CAD: variants seen among roughly 807,000 people sequenced by gnomAD.
The protein encoded by CAD is multifunctional protein CAD.
Under a neutral mutation model 237.2 loss-of-function variants are expected in CAD, and 81 were observed. That is an observed-to-expected ratio of 0.34 (90% CI 0.29 to 0.41). The LOEUF (loss-of-function observed/expected upper bound fraction) is 0.41, where lower values mean the gene tolerates loss of function less well. Ranked by LOEUF, CAD falls within the 10% of genes least tolerant of loss-of-function variation. The probability of loss-of-function intolerance (pLI) is 1.00; values close to 1 mark genes in which losing one functional copy is unlikely to be tolerated. For missense variants in CAD, 2,181 were observed against 2,951.7 expected (o/e 0.74, Z 6.05); for synonymous variants, 1,196 against 1,162.8 (o/e 1.03, Z -0.58).
At position 27,234,121 on chromosome 2, in the gene CAD, A is replaced by G. The variant is rs773510765; in HGVS notation, c.3513A>G (p.Pro1171=). 1.9e-6 allele frequency: 3 copies of G among 1,614,150 alleles called. No homozygotes were observed. Among genetic ancestry groups the G allele is most frequent in the Non-Finnish European group, 1.7e-6 (2 of 1,180,014 alleles). ...GTGATGCGACGCTGGTGACCCCCCCACAAGATATCACTGCCAAAACCCTGG... is the reference window on the plus strand; with the variant it reads ...GTGATGCGACGCTGGTGACCCCCCCGCAAGATATCACTGCCAAAACCCTGG... The part of the protein sequence containing the change: ...HSGDATLVTP[P]QDITAKTLER... Residue 1171 remains proline (P), a synonymous_variant, in exon 22 of 44, where the codon CCA becomes CCG. Transcript: ENST00000264705.
Position 27,233,605 on chromosome 2 carries a change from T to C in CAD, c.3217-21T>C. On this transcript the variant is annotated intron_variant, in intron 20 of 43. Coordinates refer to ENST00000264705, the MANE Select transcript of CAD (RefSeq NM_004341.5). The surrounding 1 kb of genome is among the most constrained non-coding windows in gnomAD (Gnocchi z 6.3). ...TGGGGGAAAGTGTGAACAACTCAGCTAAGCTCCCTGCCTCCTGTAGTCTGC... is the reference window on the plus strand; with the variant it reads ...TGGGGGAAAGTGTGAACAACTCAGCCAAGCTCCCTGCCTCCTGTAGTCTGC... The C allele has an allele frequency of 6.2e-7, 1 of 1,614,076 alleles. No homozygotes were observed. Among genetic ancestry groups the C allele is most frequent in the Non-Finnish European group, 8.5e-7 (1 of 1,179,976 alleles).
intron 2 of CAD, among the ~76,000 whole-genome samples, chr2:27,219,773 G>T (rs925950271): frequency 1.4e-4 from 21 of 152,032 alleles, no homozygotes; most frequent in African/African-American, 4.8e-4. Context: ...ATTTTTAGTA[G>T]AGACAGGGTT....
At chr2:27,218,680 TC>T (rs1674998634) in intron 2 of CAD, among the ~76,000 whole-genome samples, 1 of 135,316 alleles carries the variant, frequency 7.4e-6, no homozygotes, top group Non-Finnish European at 1.6e-5. Flanking sequence ...AAACTGAGTT[TC>T]TTCCTACAGT....
rs1179530780 is a variant in CAD at position 27,233,964 on chromosome 2, G to A, written c.3400-44G>A. On this transcript the variant is annotated intron_variant, in intron 21 of 43. Transcript: ENST00000264705. The surrounding 1 kb of genome is among the most constrained non-coding windows in gnomAD (Gnocchi z 6.3). ...AGAGACAATCCTAGAGTAAGTGAGAGAAGAAAGTGGCCCTATGTCCCACTG... is the reference window on the plus strand; with the variant it reads ...AGAGACAATCCTAGAGTAAGTGAGAAAAGAAAGTGGCCCTATGTCCCACTG... The A allele has an allele frequency of 1.3e-6, 2 of 1,579,908 alleles. No homozygotes were observed. Among genetic ancestry groups the A allele is most frequent in the East Asian group, 4.5e-5 (2 of 44,318 alleles).
chr2:27,229,051 T>C (rs1443131687), intron 15 of CAD, among the ~76,000 whole-genome samples: 1 of 151,670 alleles, frequency 6.6e-6, no homozygotes. Flanking sequence ...CCTGAGTAGC[T>C]GGGACTACAG....
Position 27,241,980 on chromosome 2 carries a change from G to T in CAD, c.5953G>T (p.Ala1985Ser). ...RTSSSFAAAM[A>S]RLGGAVLSFS... ...CAGCAGCTCCTTTGCAGCAGCCATG[G>T]CCCGGCTGGGAGGTGCTGTGCTCAG... Residue 1985 changes from alanine to serine, a missense_variant, in exon 39 of 44, where the codon GCC becomes TCC. Coordinates refer to ENST00000264705, the MANE Select transcript of CAD (RefSeq NM_004341.5). This position sits in a 1 kb window ranked among gnomAD's most constrained non-coding sequence, Gnocchi z 4.6. 6.2e-7 allele frequency: 1 copy of T among 1,613,518 alleles called. No individual in the cohort carries two copies. Among genetic ancestry groups the T allele is most frequent in the Middle Eastern group, 1.7e-4 (1 of 6,060 alleles).
Position 27,239,364 on chromosome 2 carries a change from C to T in CAD, c.5287C>T (p.His1763Tyr). Reference protein sequence around the residue: ...DLEHEWTIPSHMPFSKAHWTP... With the variant: ...DLEHEWTIPSYMPFSKAHWTP... ...GGAGCATGAGTGGACAATTCCCAGC[C>T]ACATGCCCTTCTCCAAGGCCCACTG... The change falls in exon 33 of 44, where the codon CAC (histidine) becomes TAC (tyrosine). Residue 1763 changes from histidine (H) to tyrosine (Y), a missense_variant. Physicochemically the swap from His to Tyr is moderately conservative, Grantham distance 83. This residue lies in a region of CAD where 478 missense variants were observed against 515.0 expected (regional missense o/e 0.93). Coordinates refer to ENST00000264705, the MANE Select transcript of CAD (RefSeq NM_004341.5). The surrounding 1 kb of genome is among the most constrained non-coding windows in gnomAD (Gnocchi z 4.0). 1.2e-6 allele frequency: 2 copies of T among 1,614,026 alleles called. No individual in the cohort carries two copies. The highest frequency in any genetic ancestry group is 8.5e-7 in the Non-Finnish European group (1 of 1,179,950).
chr2:27,235,569 C>T lies in CAD; in HGVS notation c.4003C>T (p.Leu1335=), dbSNP rs1302043818. The T allele has an allele frequency of 1.2e-6, 2 of 1,614,192 alleles. No individual in the cohort carries two copies. Among genetic ancestry groups the T allele is most frequent in the Non-Finnish European group, 1.7e-6 (2 of 1,180,026 alleles). The change falls in exon 25 of 44, where the codon CTG becomes TTG. Residue 1335 remains leucine (L), a synonymous_variant. Coordinates refer to ENST00000264705, the MANE Select transcript of CAD (RefSeq NM_004341.5). The surrounding 1 kb of genome is among the most constrained non-coding windows in gnomAD (Gnocchi z 5.2). The part of the protein sequence containing the change: ...KSELLPTVRL[L]ESLGYSLYAS... ...CGAGCTGCTCCCAACTGTGCGGCTA[C>T]TGGAGAGCCTGGGCTACAGCCTCTA...
At chr2:27,222,387 T>C in intron 4 of CAD, 51 bp downstream of exon 4, 1 of 1,589,572 alleles carries the variant, frequency 6.3e-7, no homozygotes, top group Non-Finnish European at 8.6e-7. Flanking sequence ...AGTAGTTATA[T>C]TCTGCCCACA....
rs186812566 is a variant in CAD at position 27,236,539 on chromosome 2, G to A, written c.4314+16G>A. On this transcript the variant is annotated intron_variant, in intron 26 of 43. Transcript: ENST00000264705. The surrounding 1 kb of genome is among the most constrained non-coding windows in gnomAD (Gnocchi z 4.1). ...CTTTGTGGAGGTAACTGAGACCCATGTGCTGGGAGGGAGACTGCCAGTGTT... is the reference window on the plus strand; with the variant it reads ...CTTTGTGGAGGTAACTGAGACCCATATGCTGGGAGGGAGACTGCCAGTGTT... The A allele has an allele frequency of 2.1e-5, 33 of 1,608,054 alleles. No homozygotes were observed. The South Asian group carries it at 3.2e-4, about 16-fold the overall frequency.
Position 27,239,654 on chromosome 2 carries a change from G to T in CAD, c.5395-43G>T. 6.6e-7 allele frequency: 1 copy of T among 1,523,766 alleles called. No individual in the cohort carries two copies. Among genetic ancestry groups the T allele is most frequent in the Non-Finnish European group, 8.9e-7 (1 of 1,121,024 alleles). The allele number at this position is 1,523,766 out of a possible 1,614,324, so 94.4% of individuals were successfully genotyped here. A position where few individuals can be genotyped will look rare whatever the true frequency, so the allele number is the denominator to read the frequency against. On this transcript the variant is annotated intron_variant, in intron 33 of 43. Transcript: ENST00000264705. The surrounding 1 kb of genome is among the most constrained non-coding windows in gnomAD (Gnocchi z 4.0). ...TGACATCTACCCCTTTAGGACCTGA[G>T]TTCTCTCTGCTCCCTCCTGAGTGCC...
Position 27,234,306 on chromosome 2 carries a change from A to G in CAD, c.3618+80A>G, listed in dbSNP as rs1052209432. ...TGGCCACAGTGCCATGAAGCCCTGC[A>G]CTGTCTCCTGCCTTCATCCAAGTAG... On this transcript the variant is annotated intron_variant, in intron 22 of 43. Transcript: ENST00000264705. The G allele has an allele frequency of 8.8e-6, 12 of 1,368,248 alleles. No individual in the cohort carries two copies. The Admixed American group carries it at 2.0e-4, about 23-fold the overall frequency. 84.8% of individuals were successfully genotyped at this position (1,368,248 alleles called of 1,614,324 possible). A position where few individuals can be genotyped will look rare whatever the true frequency, so the allele number is the denominator to read the frequency against.
intron 6 of CAD, among the ~76,000 whole-genome samples, 191 bp downstream of exon 6, chr2:27,223,228 C>T (rs747322537): frequency 1.8e-4 from 28 of 152,212 alleles, no homozygotes; most frequent in Non-Finnish European, 3.1e-4. Flanking sequence ...GTCAGGAGTT[C>T]GAGACCAGCC....
chr2:27,236,544 G>C lies in CAD; in HGVS notation c.4314+21G>C. The stretch of plus-strand genomic sequence containing the variant: ...TGGAGGTAACTGAGACCCATGTGCT[G>C]GGAGGGAGACTGCCAGTGTTGATGG... On this transcript the variant is annotated intron_variant, in intron 26 of 43. Coordinates refer to ENST00000264705, the MANE Select transcript of CAD (RefSeq NM_004341.5). This position sits in a 1 kb window ranked among gnomAD's most constrained non-coding sequence, Gnocchi z 4.1. 6.2e-7 allele frequency: 1 copy of C among 1,607,390 alleles called. No individual in the cohort carries two copies. The highest frequency in any genetic ancestry group is 1.7e-4 in the Middle Eastern group (1 of 6,058).
Position 27,241,176 on chromosome 2 carries a change from C to G in CAD, c.5757C>G (p.His1919Gln). 1 of 1,613,086 alleles carries G rather than the reference C, an allele frequency of 6.2e-7. No homozygotes were observed. Among genetic ancestry groups the G allele is most frequent in the South Asian group, 1.1e-5 (1 of 90,974 alleles). ...LLHPQTSPLL[H>Q]SLVGQHILSV... The stretch of plus-strand genomic sequence containing the variant: ...ACCCCCAGACCTCACCCCTGCTGCA[C>G]TCATTAGTGGGCCAACATATCCTGT... The change falls in exon 37 of 44, where the codon CAC becomes CAG. Residue 1919 changes from histidine (H) to glutamine (Q), a missense_variant. This residue lies in a region of CAD where 203 missense variants were observed against 284.5 expected (regional missense o/e 0.71). Coordinates refer to ENST00000264705, the MANE Select transcript of CAD (RefSeq NM_004341.5). The surrounding 1 kb of genome is among the most constrained non-coding windows in gnomAD (Gnocchi z 4.6).
intron 2 of CAD, among the ~76,000 whole-genome samples, chr2:27,218,612 C>G (rs1018778918): frequency 2.0e-5 from 3 of 152,198 alleles, no homozygotes; most frequent in Non-Finnish European, 4.4e-5. Flanking sequence ...TCTAGACCTA[C>G]TGACATGGCC....
At position 27,234,674 on chromosome 2, in the gene CAD, G is replaced by A. The variant is rs1295473602; in HGVS notation, c.3775G>A (p.Val1259Met). The A allele has an allele frequency of 3.7e-6, 6 of 1,613,992 alleles. No homozygotes were observed. The highest frequency in any genetic ancestry group is 3.3e-5 in the Admixed American group (2 of 59,994). Residue 1259 changes from valine (V) to methionine (M), a missense_variant, in exon 23 of 44, where the codon GTG becomes ATG. Coordinates refer to ENST00000264705, the MANE Select transcript of CAD (RefSeq NM_004341.5). ...PVGLMTGSGVVGVKVPQFSFS... is the reference protein window; with the variant it reads ...PVGLMTGSGVMGVKVPQFSFS... ...GGGGCTAATGACTGGTTCTGGAGTC[G>A]TGGGAGTAAAGGTAAGGAATATCGA...
rs914783782 is a variant in CAD, at chr2:27,240,683, T to C, written c.5594-228T>C. On this transcript the variant is annotated intron_variant, in intron 35 of 43. Coordinates refer to ENST00000264705, the MANE Select transcript of CAD (RefSeq NM_004341.5). This position sits in a 1 kb window ranked among gnomAD's most constrained non-coding sequence, Gnocchi z 4.6. ...TCTTGCCTAGGATGCCTTTGCCAAC[T>C]GGGAGAGCCCCGGGAGGGCACCACT... 1 of 1,491,614 alleles carries C rather than the reference T, an allele frequency of 6.7e-7. No homozygotes were observed. Among genetic ancestry groups the C allele is most frequent in the Non-Finnish European group, 9.1e-7 (1 of 1,097,688 alleles). 92.4% of individuals were successfully genotyped at this position (1,491,614 alleles called of 1,614,324 possible).
chr2:27,235,505 A>C lies in CAD; in HGVS notation c.3970-31A>C. The stretch of plus-strand genomic sequence containing the variant: ...TGACCTTGAAATGGAAGACAGGAAG[A>C]AAACAATTTCATCCTTCTGTTTGGT... On this transcript the variant is annotated intron_variant, in intron 24 of 43. Coordinates refer to ENST00000264705, the MANE Select transcript of CAD (RefSeq NM_004341.5). The surrounding 1 kb of genome is among the most constrained non-coding windows in gnomAD (Gnocchi z 5.2). 6.2e-7 allele frequency: 1 copy of C among 1,613,586 alleles called. No homozygotes were observed. Among genetic ancestry groups the C allele is most frequent in the Non-Finnish European group, 8.5e-7 (1 of 1,179,602 alleles).
Sources: gnomAD v4.1 joint callset for allele counts (sites outside exome capture counted in the v4.1 genomes callset) on GRCh38, gnomAD v4.1.1 for gene constraint, gnomAD v4.1.1 regional missense constraint, Gnocchi (gnomAD v3.1) non-coding constraint, MANE v1.5 for transcripts, NCBI Gene and HGNC (gene_info 2026-07-23, HGNC 2026-07-21) for gene names.